SIPA1L3: variants seen among roughly 807,000 people sequenced by gnomAD.
SIPA1L3 encodes signal-induced proliferation-associated 1-like protein 3.
A neutral mutation model predicts 150.1 loss-of-function variants in SIPA1L3; 59 were observed. The ratio of observed to expected loss-of-function variants is 0.39; its 90% CI spans 0.32 to 0.49. The LOEUF is 0.49. Ranked by LOEUF, SIPA1L3 falls within the 20% of genes least tolerant of loss-of-function variation. The pLI, the probability that SIPA1L3 is intolerant of heterozygous loss-of-function variation, is 0.86. For missense variants in SIPA1L3, 2,211 were observed against 2,489.5 expected, an observed-to-expected ratio of 0.89 and a Z score of 2.38; for synonymous variants, 1,070 against 1,077.6, an observed-to-expected ratio of 0.99 and a Z score of 0.14.
intron 9 of SIPA1L3, among the ~76,000 whole-genome samples, chr19:38,124,785 C>T (rs1310984779): frequency 2.6e-5 from 4 of 152,214 alleles, no homozygotes; most frequent in African/African-American, 7.2e-5. Flanking sequence ...GGATCACTCG[C>T]GGTTAGGAGC....
chr19:38,089,881 T>C (rs1333307279), intron 4 of SIPA1L3, among the ~76,000 whole-genome samples: 1 of 152,234 alleles, frequency 6.6e-6, no homozygotes, highest in Admixed American at 6.5e-5. Flanking sequence ...GAGACTCAAA[T>C]GCAGTCTCCA....
intron 1 of SIPA1L3, among the ~76,000 whole-genome samples, chr19:38,020,169 C>G (rs1039728546): frequency 9.2e-5 from 14 of 152,122 alleles, no homozygotes; most frequent in Non-Finnish European, 2.1e-4. Context: ...AAGTCTTGTT[C>G]TAAACAATTT....
intron 1 of SIPA1L3, among the ~76,000 whole-genome samples, chr19:38,008,953 C>T (rs1968032897): frequency 1.3e-5 from 2 of 152,134 alleles, no homozygotes; most frequent in African/African-American, 4.8e-5. Context: ...AGCATGCCTG[C>T]ACCACAAAAT....
At position 38,207,094 on chromosome 19, in the gene SIPA1L3, C is replaced by T. The variant is rs1973235432; in HGVS notation, c.*854C>T. The stretch of plus-strand genomic sequence containing the variant: ...GCCACCACACAGCCGACTCTCTCCT[C>T]CTCCTCCCGGCACGACCTGGCCCTG... On this transcript the variant is annotated 3_prime_UTR_variant, in exon 22 of 22. Coordinates refer to ENST00000222345, the MANE Select transcript of SIPA1L3 (RefSeq NM_015073.3). 1 of 152,330 alleles carries T rather than the reference C, an allele frequency of 6.6e-6. No individual in the cohort carries two copies. The highest frequency in any genetic ancestry group is 6.5e-5 in the Admixed American group (1 of 15,282). The allele number at this position is 152,330 out of a possible 1,614,324, so 9.4% of individuals were successfully genotyped here.
chr19:37,960,728 A>C (rs931650325), intron 1 of SIPA1L3, among the ~76,000 whole-genome samples: 2 of 151,174 alleles, frequency 1.3e-5, no homozygotes, highest in African/African-American at 4.9e-5. Context: ...TAATTTTTAA[A>C]TTTTTTGTAG....
intron 18 of SIPA1L3, among the ~76,000 whole-genome samples, chr19:38,195,802 G>GCCCCCCCCCCCCCCCC (rs976090881): frequency 1.5e-4 from 3 of 20,252 alleles, no homozygotes; most frequent in African/African-American, 2.2e-4. Context: ...GTCCCCCCCC[G>GCCCCCCCCCCCCCCCC]CCCCCCCGGG....
Position 38,195,141 on chromosome 19 carries a change from C to T in SIPA1L3, c.4840+1361C>T, listed in dbSNP as rs1005526697. 3.9e-5 allele frequency among the ~76,000 whole-genome samples: 6 copies of T among 152,198 alleles called. No individual in the cohort carries two copies. The East Asian group carries it at 1.2e-3, about 29-fold the overall frequency. On this transcript the variant is annotated intron_variant, in intron 18 of 21. Transcript: ENST00000222345. ...GTGGTGTGGGGTGCCCACCTCTGCT[C>T]CTCCACCTCACAGAGCCTTCCTTTT...
intron 9 of SIPA1L3, among the ~76,000 whole-genome samples, chr19:38,127,602 C>T (rs917389986): frequency 2.0e-5 from 3 of 151,824 alleles, no homozygotes; most frequent in African/African-American, 7.3e-5. Flanking sequence ...GCCTGCCTCC[C>T]ACCTCAGCCT....
chr19:37,999,423 A>G (rs928951560), intron 1 of SIPA1L3, among the ~76,000 whole-genome samples: 2 of 152,232 alleles, frequency 1.3e-5, no homozygotes, highest in Non-Finnish European at 2.9e-5. Flanking sequence ...TCCTGGACGC[A>G]CATGAGCAGT....
At chr19:38,148,727 G>A (rs1042123060) in intron 12 of SIPA1L3, among the ~76,000 whole-genome samples, 2 of 152,150 alleles carry the variant, frequency 1.3e-5, no homozygotes, top group Non-Finnish European at 2.9e-5. Flanking sequence ...TCAAGCCAGC[G>A]TCCCGTAGCC....
intron 1 of SIPA1L3, among the ~76,000 whole-genome samples, chr19:38,006,623 A>G (rs1967945158): frequency 6.6e-6 from 1 of 152,190 alleles, no homozygotes; most frequent in African/African-American, 2.4e-5. Context: ...CACCTCTCAG[A>G]AGGGCAAGAG....
chr19:37,951,942 T>TCTAC (rs1047378650), intron 1 of SIPA1L3, among the ~76,000 whole-genome samples: 6 of 149,298 alleles, frequency 4.0e-5, no homozygotes, highest in African/African-American at 1.5e-4. Flanking sequence ...AATGTCCTGG[T>TCTAC]CTACCTGGTT....
intron 1 of SIPA1L3, among the ~76,000 whole-genome samples, chr19:37,981,735 G>A (rs562033948): frequency 5.1e-4 from 78 of 152,190 alleles, no homozygotes; most frequent in African/African-American, 1.8e-3. Context: ...ACACCTTCCC[G>A]CAAATCCTTT....
At chr19:38,008,308 A>C (rs937987719) in intron 1 of SIPA1L3, among the ~76,000 whole-genome samples, 1 of 138,194 alleles carries the variant, frequency 7.2e-6, no homozygotes, top group African/African-American at 2.7e-5. Context: ...GCTTACTGCA[A>C]CCTCTGCCTC....
intron 1 of SIPA1L3, among the ~76,000 whole-genome samples, chr19:37,911,322 A>G (rs1182051814): frequency 6.6e-6 from 1 of 152,058 alleles, no homozygotes; most frequent in Non-Finnish European, 1.5e-5. Flanking sequence ...AGGAGGGGGT[A>G]GGGATCAAGC....
At chr19:38,111,914 T>C (rs974963932) in intron 8 of SIPA1L3, among the ~76,000 whole-genome samples, 4 of 148,386 alleles carry the variant, frequency 2.7e-5, no homozygotes, top group Non-Finnish European at 6.0e-5. Context: ...CACACATGCA[T>C]GCACGCATCC....
chr19:38,116,022 G>A (rs62121434), intron 8 of SIPA1L3, among the ~76,000 whole-genome samples: 2,873 of 152,232 alleles, frequency 0.019, 51 homozygotes, highest in South Asian at 0.034. Context: ...GGGCAAGCAT[G>A]ACTTTGGGTT....
At chr19:37,954,346 G>A (rs7258011) in intron 1 of SIPA1L3, among the ~76,000 whole-genome samples, 41,213 of 152,040 alleles carry the variant, frequency 0.27, 6,344 homozygotes, top group Non-Finnish European at 0.36. Flanking sequence ...AGGCAAGTCT[G>A]GGGGTTTAAG....
rs74353818 is a variant in SIPA1L3 at position 38,080,399 on chromosome 19, T to C, written c.-310-857T>C. On this transcript the variant is annotated intron_variant, in intron 2 of 21. Coordinates refer to ENST00000222345, the MANE Select transcript of SIPA1L3 (RefSeq NM_015073.3). The stretch of plus-strand genomic sequence containing the variant: ...AAATCCACAGGACAGGTGACCCCTT[T>C]CCTTCAACAAGTAAAGAGCATCAAA... 6.4e-4 allele frequency among the ~76,000 whole-genome samples: 98 copies of C among 152,278 alleles called. 1 individual carries two copies. Among genetic ancestry groups the C allele is most frequent in the African/African-American group, 2.3e-3 (95 of 41,552 alleles).
Sources: gnomAD v4.1 joint callset for allele counts (sites outside exome capture counted in the v4.1 genomes callset) on GRCh38, gnomAD v4.1.1 for gene constraint, MANE v1.5 for transcripts, NCBI Gene and HGNC (gene_info 2026-07-23, HGNC 2026-07-21) for gene names.